The following PSORS1C1 variants were observed in gnomAD, a reference collection of about 807,000 sequenced individuals.
The protein encoded by PSORS1C1 is psoriasis susceptibility 1 candidate 1, also known as psoriasis susceptibility 1 candidate gene 1 protein.
In PSORS1C1, 7 loss-of-function variants were observed where a neutral mutation model predicts 9.4. The ratio of observed to expected loss-of-function variants is 0.75; its 90% CI spans 0.42 to 1.40. The LOEUF is 1.40. PSORS1C1 is among the 40% of genes most tolerant of loss of function. The probability of loss-of-function intolerance (pLI) is 0.01; values close to 1 mark genes in which losing one functional copy is unlikely to be tolerated. For missense variants in PSORS1C1, 146 were observed against 178.1 expected (o/e 0.82, Z 1.02); for synonymous variants, 63 against 69.4 (o/e 0.91, Z 0.46).
intron 1 of PSORS1C1, among the ~76,000 whole-genome samples, chr6:31,124,366 T>G (rs1032038841): frequency 1.8e-4 from 27 of 152,310 alleles, no homozygotes; most frequent in African/African-American, 6.5e-4. Flanking sequence ...GTATTTAACA[T>G]GAGTTGTCTT....
chr6:31,130,803 C>T (rs985407249), intron 3 of PSORS1C1, among the ~76,000 whole-genome samples: 1 of 152,020 alleles, frequency 6.6e-6, no homozygotes, highest in African/African-American at 2.4e-5. Flanking sequence ...CTGCCTTGGC[C>T]TCCCAAAGTG....
chr6:31,118,593 C>G (rs1039632890), intron 1 of PSORS1C1: 1 of 152,494 alleles, frequency 6.6e-6, no homozygotes, highest in Non-Finnish European at 1.5e-5. Flanking sequence ...CTTTCCTTTC[C>G]TTTGCTCAAA....
chr6:31,115,736 T>G lies in PSORS1C1; in HGVS notation c.-229+845T>G. 1 of 492,822 alleles carries G rather than the reference T, an allele frequency of 2.0e-6. No individual in the cohort carries two copies. Among genetic ancestry groups the G allele is most frequent in the Admixed American group, 3.3e-5 (1 of 30,542 alleles). 30.5% of individuals were successfully genotyped at this position (492,822 alleles called of 1,614,324 possible). ...GACCATTTCCACACAGTAGAGGGAA[T>G]TGTAAGGGGTGGTGATCTGGCTGAG... On this transcript the variant is annotated intron_variant, in intron 1 of 5. Transcript: ENST00000259881. This position sits in a 1 kb window ranked among gnomAD's most constrained non-coding sequence, Gnocchi z 4.2.
At chr6:31,116,588 G>A (rs1401660441) in intron 1 of PSORS1C1, 9 of 1,613,732 alleles carry the variant, frequency 5.6e-6, no homozygotes, top group Non-Finnish European at 6.8e-6. Flanking sequence ...GAGATGGGGG[G>A]CCCAGCTGCA....
intron 2 of PSORS1C1, among the ~76,000 whole-genome samples, chr6:31,127,561 A>AATTATTATT (rs9257056): frequency 0.063 from 8,976 of 141,504 alleles, 410 homozygotes; most frequent in African/African-American, 0.11. Context: ...AGGAGACAGG[A>AATTATTATT]ATTATTATTA....
At position 31,140,016 on chromosome 6, in the gene PSORS1C1, A is replaced by C; in HGVS notation, c.*84A>C. On this transcript the variant is annotated 3_prime_UTR_variant, in exon 6 of 6. Transcript: ENST00000259881. The surrounding 1 kb of genome is among the most constrained non-coding windows in gnomAD (Gnocchi z 4.6). ...TTAGCCTTTCAGAAGTAACATGTCC[A>C]AAATAAAATTTGATTCCTCCCAGGT... 7.4e-7 allele frequency: 1 copy of C among 1,350,872 alleles called. No individual in the cohort carries two copies. Among genetic ancestry groups the C allele is most frequent in the Non-Finnish European group, 1.0e-6 (1 of 969,670 alleles). 83.7% of individuals were successfully genotyped at this position (1,350,872 alleles called of 1,614,324 possible).
intron 1 of PSORS1C1, chr6:31,116,602 G>C (rs531356499): frequency 6.2e-7 from 1 of 1,613,538 alleles, no homozygotes; most frequent in South Asian, 1.1e-5. Flanking sequence ...AGCTGCAAAG[G>C]AAGGGACCCC....
chr6:31,117,917 A>G (rs1350517891), intron 1 of PSORS1C1: 2 of 233,084 alleles, frequency 8.6e-6, no homozygotes, highest in South Asian at 6.8e-5. Flanking sequence ...TGGGCAACAT[A>G]GACCCCGTCT....
intron 3 of PSORS1C1, chr6:31,137,812 G>A (rs1773221000): frequency 2.2e-6 from 1 of 447,108 alleles, no homozygotes; most frequent in African/African-American, 2.0e-5. Context: ...CCACCTTACG[G>A]GTTCAGAATA....
chr6:31,138,588 G>A, intron 4 of PSORS1C1, 68 bp from the exon 5 acceptor site: 1 of 1,610,864 alleles, frequency 6.2e-7, no homozygotes. Flanking sequence ...ACCCCTGGTT[G>A]GGGTACCCCA....
rs142573570 is a variant in PSORS1C1, at chr6:31,117,140, T to C, written c.-229+2249T>C. ...CTGCTGCTGCTGAACTGAAAGCTGC[T>C]GCTGCTGCTCGAATGAGAGCTGCTG... On this transcript the variant is annotated intron_variant, in intron 1 of 5. Transcript: ENST00000259881. 220 of 1,611,010 alleles carry C rather than the reference T, an allele frequency of 1.4e-4. 1 individual carries two copies. Among genetic ancestry groups the C allele is most frequent in the African/African-American group, 1.2e-3 (88 of 74,068 alleles).
At chr6:31,116,928 T>C in intron 1 of PSORS1C1, 1 of 1,614,090 alleles carries the variant, frequency 6.2e-7, no homozygotes, top group Non-Finnish European at 8.5e-7. Flanking sequence ...CGATGGGCCC[T>C]CCACTGCAGG....
chr6:31,120,423 G>A (rs774327734), intron 1 of PSORS1C1: 19 of 1,576,554 alleles, frequency 1.2e-5, no homozygotes, highest in East Asian at 2.3e-5. Flanking sequence ...AGCCCATCTC[G>A]GACTGCACGG....
chr6:31,115,586 T>G lies in PSORS1C1; in HGVS notation c.-229+695T>G. The G allele has an allele frequency of 1.1e-5, 2 of 183,524 alleles. No individual in the cohort carries two copies. Among genetic ancestry groups the G allele is most frequent in the African/African-American group, 2.3e-5 (1 of 42,568 alleles). 11.4% of individuals were successfully genotyped at this position (183,524 alleles called of 1,614,324 possible). A position where few individuals can be genotyped will look rare whatever the true frequency, so the allele number is the denominator to read the frequency against. On this transcript the variant is annotated intron_variant, in intron 1 of 5. Transcript: ENST00000259881. The surrounding 1 kb of genome is among the most constrained non-coding windows in gnomAD (Gnocchi z 4.2). ...AAAAGTGGCCACTGTTTCCAGATGA[T>G]GGTTTGACTTTGCTTTATTTGGTAA...
At chr6:31,134,895 T>C (rs3130567) in intron 3 of PSORS1C1, among the ~76,000 whole-genome samples, 75,059 of 151,864 alleles carry the variant, frequency 0.49, 20,919 homozygotes, top group African/African-American at 0.76. Flanking sequence ...TGGCTCACTA[T>C]AGCCTCAACC....
chr6:31,117,056 G>T (rs925332231), intron 1 of PSORS1C1: 6 of 1,614,272 alleles, frequency 3.7e-6, no homozygotes, highest in Middle Eastern at 3.3e-4. Context: ...GAAGGGTTTA[G>T]TATTCCGCGG....
chr6:31,138,533 T>G (rs1167263649), intron 4 of PSORS1C1, 74 bp downstream of exon 4: 2 of 1,606,268 alleles, frequency 1.2e-6, no homozygotes, highest in African/African-American at 2.7e-5. Flanking sequence ...ACCGTTCACT[T>G]GACCCACTTT....
intron 3 of PSORS1C1, among the ~76,000 whole-genome samples, chr6:31,132,840 C>T (rs1421241990): frequency 6.8e-6 from 1 of 147,486 alleles, no homozygotes; most frequent in Non-Finnish European, 1.5e-5. Context: ...CAGAGTGAGA[C>T]CCTGTCTTAA....
intron 1 of PSORS1C1, among the ~76,000 whole-genome samples, chr6:31,122,362 C>T (rs570256007): frequency 6.6e-6 from 1 of 152,350 alleles, no homozygotes; most frequent in East Asian, 1.9e-4. Flanking sequence ...TTCACCCCCA[C>T]AGCCCCAGGC....
Sources: gnomAD v4.1 joint callset for allele counts (sites outside exome capture counted in the v4.1 genomes callset) on GRCh38, gnomAD v4.1.1 for gene constraint, Gnocchi (gnomAD v3.1) non-coding constraint, MANE v1.5 for transcripts, NCBI Gene and HGNC (gene_info 2026-07-23, HGNC 2026-07-21) for gene names.